The following MYO1E variants were observed in gnomAD, a reference collection of about 807,000 sequenced individuals.
The protein encoded by MYO1E is myosin IE.
A neutral mutation model predicts 151.1 loss-of-function variants in MYO1E; 68 were observed. That is an observed-to-expected ratio of 0.45 (90% CI 0.37 to 0.55). MYO1E has a LOEUF of 0.55. Ranked by LOEUF, MYO1E falls within the 20% of genes least tolerant of loss-of-function variation. The pLI is 0.00. For missense variants in MYO1E, 1,363 were observed against 1,389.3 expected (o/e 0.98, Z 0.30); for synonymous variants, 601 against 501.7 (o/e 1.20, Z -2.64).
chr15:59,367,725 G>A (rs1057078905), intron 1 of MYO1E, among the ~76,000 whole-genome samples: 1 of 152,192 alleles, frequency 6.6e-6, no homozygotes, highest in South Asian at 2.1e-4. Flanking sequence ...GAATCACTGT[G>A]GTTCACAGAA....
At chr15:59,270,542 T>TAA (rs777284445) in intron 2 of MYO1E, among the ~76,000 whole-genome samples, 1,522 of 104,788 alleles carry the variant, frequency 0.015, 30 homozygotes, top group African/African-American at 0.051. Flanking sequence ...GACCCTGTCT[T>TAA]AAAAAAAAAA....
chr15:59,248,286 C>A (rs7181249), intron 4 of MYO1E, among the ~76,000 whole-genome samples: 42,514 of 150,912 alleles, frequency 0.28, 6,867 homozygotes, highest in African/African-American at 0.45. Context: ...GAGCTCATAA[C>A]CAGCCTGGCC....
chr15:59,189,001 G>T (rs2079716448), intron 17 of MYO1E, among the ~76,000 whole-genome samples: 1 of 152,166 alleles, frequency 6.6e-6, no homozygotes, highest in Non-Finnish European at 1.5e-5. Flanking sequence ...AATTTCAAGT[G>T]TGTACATTAA....
At chr15:59,148,995 C>A (rs2079458128) in intron 26 of MYO1E, among the ~76,000 whole-genome samples, 1 of 151,300 alleles carries the variant, frequency 6.6e-6, no homozygotes, top group East Asian at 1.9e-4. Flanking sequence ...AATTACAAAG[C>A]ACACTGGATA....
intron 26 of MYO1E, among the ~76,000 whole-genome samples, chr15:59,146,108 C>A (rs1056829810): frequency 2.6e-5 from 4 of 152,170 alleles, no homozygotes; most frequent in Non-Finnish European, 5.9e-5. Context: ...CAGTCTTGAA[C>A]CCCTGGACTT....
chr15:59,368,098 G>A (rs958352881), intron 1 of MYO1E, among the ~76,000 whole-genome samples: 3 of 151,986 alleles, frequency 2.0e-5, no homozygotes, highest in Non-Finnish European at 2.9e-5. Flanking sequence ...CAGCCTGGGC[G>A]ACAAGAGCAA....
chr15:59,227,534 G>A lies in MYO1E; in HGVS notation c.567C>T (p.Ile189=). 1 of 1,614,174 alleles carries A rather than the reference G, an allele frequency of 6.2e-7. No individual in the cohort carries two copies. Among genetic ancestry groups the A allele is most frequent in the South Asian group, 1.1e-5 (1 of 91,084 alleles). The change falls in exon 7 of 28, where the codon ATC becomes ATT. Residue 189 remains isoleucine (I), a synonymous_variant. Transcript: ENST00000288235. The part of the protein sequence containing the change: ...SPGGEPDGGK[I]SNFLLEKSRV... Reference sequence around the variant, plus strand: ...TAGATTTTTCCAGAAGGAAGTTGGAGATCTTTCCACCATCTGGTTCCCCAC... The same window carrying A: ...TAGATTTTTCCAGAAGGAAGTTGGAAATCTTTCCACCATCTGGTTCCCCAC...
At chr15:59,293,947 G>A (rs1422276852) in intron 1 of MYO1E, among the ~76,000 whole-genome samples, 1 of 152,160 alleles carries the variant, frequency 6.6e-6, no homozygotes, top group Non-Finnish European at 1.5e-5. Flanking sequence ...GGAAGCTGAG[G>A]TGGAGAAATG....
At chr15:59,205,580 C>T in intron 14 of MYO1E, 95 bp from the exon 15 acceptor site, 1 of 1,197,196 alleles carries the variant, frequency 8.4e-7, no homozygotes, top group Non-Finnish European at 1.2e-6. Context: ...TTTCACCAAA[C>T]AAAAAACCAA....
chr15:59,137,430 G>GT lies in MYO1E; in HGVS notation c.3276dup (p.Leu1093ThrfsTer21). ...GGGAACAGGCCCTGCTTGCCTCGTA[G>GT]TCGACCCGTCCACCAGCCAGAAGGA... On this transcript the variant is annotated frameshift_variant, in exon 28 of 28. Coordinates refer to ENST00000288235, the MANE Select transcript of MYO1E (RefSeq NM_004998.4). LOFTEE classifies it high-confidence loss of function. The GT allele has an allele frequency of 6.2e-7, 1 of 1,614,156 alleles. No homozygotes were observed. Among genetic ancestry groups the GT allele is most frequent in the Non-Finnish European group, 8.5e-7 (1 of 1,180,012 alleles).
At chr15:59,187,235 C>T (rs1254604240) in intron 18 of MYO1E, among the ~76,000 whole-genome samples, 6 of 152,096 alleles carry the variant, frequency 3.9e-5, no homozygotes, top group Admixed American at 3.9e-4. Context: ...ATTATTATTA[C>T]AATGCAATGA....
At chr15:59,241,860 A>C (rs1341660957) in intron 4 of MYO1E, among the ~76,000 whole-genome samples, 1 of 152,218 alleles carries the variant, frequency 6.6e-6, no homozygotes, top group Non-Finnish European at 1.5e-5. Flanking sequence ...TTGAGGCTGC[A>C]GTGAGCTATT....
rs2080820155 is a variant in MYO1E, at chr15:59,350,983, G to A, written c.3+21515C>T. 3.3e-5 allele frequency among the ~76,000 whole-genome samples: 5 copies of A among 152,194 alleles called. No individual in the cohort carries two copies. Among genetic ancestry groups the A allele is most frequent in the South Asian group, 2.1e-4 (1 of 4,828 alleles). ...GCGATCTCGGCTCAATGCAAGCTCC[G>A]CCTCCCAGGTTCACGCCATTCTCCA... On this transcript the variant is annotated intron_variant, in intron 1 of 27. Transcript: ENST00000288235. This position sits in a 1 kb window ranked among gnomAD's most constrained non-coding sequence, Gnocchi z 5.0.
intron 1 of MYO1E, among the ~76,000 whole-genome samples, chr15:59,303,232 C>T (rs1193599149): frequency 2.0e-5 from 3 of 152,136 alleles, no homozygotes; most frequent in Non-Finnish European, 2.9e-5. Context: ...AGCAACGTGG[C>T]GAAACCCTGT....
intron 26 of MYO1E, among the ~76,000 whole-genome samples, chr15:59,140,490 A>C (rs575469075): frequency 1.3e-5 from 2 of 152,370 alleles, no homozygotes; most frequent in South Asian, 4.1e-4. Context: ...AAACAAACTT[A>C]AGATTTCTCC....
At chr15:59,202,048 C>G (rs1447442928) in intron 16 of MYO1E, among the ~76,000 whole-genome samples, 5 of 152,214 alleles carry the variant, frequency 3.3e-5, no homozygotes, top group African/African-American at 1.2e-4. Context: ...CTTCCAGGTT[C>G]TGTTTAAAGC....
chr15:59,329,874 G>A (rs1474028626), intron 1 of MYO1E, among the ~76,000 whole-genome samples: 1 of 152,200 alleles, frequency 6.6e-6, no homozygotes, highest in Non-Finnish European at 1.5e-5. Context: ...ACCAATGACT[G>A]TAAACGAATA....
At chr15:59,261,563 C>A in intron 2 of MYO1E, 54 bp from the exon 3 acceptor site, 2 of 1,157,044 alleles carry the variant, frequency 1.7e-6, no homozygotes, top group Non-Finnish European at 2.6e-6. Flanking sequence ...ACACATTTTT[C>A]AAATTAAGTA....
At chr15:59,144,192 A>C (rs1232937958) in intron 26 of MYO1E, among the ~76,000 whole-genome samples, 1 of 151,718 alleles carries the variant, frequency 6.6e-6, no homozygotes, top group African/African-American at 2.4e-5. Flanking sequence ...TTTGAGACTG[A>C]GTCTCACTCT....
Sources: gnomAD v4.1 joint callset for allele counts (sites outside exome capture counted in the v4.1 genomes callset) on GRCh38, gnomAD v4.1.1 for gene constraint, Gnocchi (gnomAD v3.1) non-coding constraint, MANE v1.5 for transcripts, NCBI Gene and HGNC (gene_info 2026-07-23, HGNC 2026-07-21) for gene names.